AUTS2: variants seen among roughly 807,000 people sequenced by gnomAD.
AUTS2 encodes the protein autism susceptibility gene 2 protein.
AUTS2 carries 17 observed loss-of-function variants against 112.4 expected under a neutral mutation model. The ratio of observed to expected loss-of-function variants is 0.15; its 90% CI spans 0.10 to 0.23. The LOEUF (loss-of-function observed/expected upper bound fraction) is 0.23, where lower values mean the gene tolerates loss of function less well. Ranked by LOEUF, AUTS2 falls within the 10% of genes least tolerant of loss-of-function variation. AUTS2 has a pLI of 1.00. For synonymous variants in AUTS2, 751 were observed against 702.7 expected (o/e 1.07, Z -1.09); for missense variants, 1,510 against 1,701.6 (o/e 0.89, Z 1.98).
At chr7:70,427,651 T>C (rs1795490404) in intron 4 of AUTS2, among the ~76,000 whole-genome samples, 2 of 152,222 alleles carry the variant, frequency 1.3e-5, no homozygotes, top group Non-Finnish European at 2.9e-5. Flanking sequence ...CAACCTGATT[T>C]CTGTCAATAT....
At chr7:70,137,541 C>T (rs1248836386) in intron 4 of AUTS2, among the ~76,000 whole-genome samples, 1 of 151,458 alleles carries the variant, frequency 6.6e-6, no homozygotes, top group African/African-American at 2.4e-5. Context: ...GTATTTTCTC[C>T]TTAAACATGT....
At chr7:69,646,550 T>A (rs1369636602) in intron 1 of AUTS2, among the ~76,000 whole-genome samples, 2 of 152,356 alleles carry the variant, frequency 1.3e-5, no homozygotes, top group South Asian at 4.1e-4. Flanking sequence ...TCTTTGCAAA[T>A]ATGGTTATAC....
intron 2 of AUTS2, among the ~76,000 whole-genome samples, chr7:70,103,787 G>A (rs144998837): frequency 0.027 from 4,134 of 151,894 alleles, 79 homozygotes; most frequent in Middle Eastern, 0.11. Context: ...GCGTGCACCT[G>A]TAAGCCAAGC....
intron 3 of AUTS2, chr7:70,120,384 G>A (rs1249655455): frequency 2.0e-5 from 3 of 152,144 alleles, no homozygotes; most frequent in African/African-American, 2.4e-5. Context: ...TACTGTGTGT[G>A]TGTTTCTGTG....
At position 70,768,084 on chromosome 7, in the gene AUTS2, A is replaced by G. The variant is rs766856728; in HGVS notation, c.1734+16A>G. 3.8e-6 allele frequency: 6 copies of G among 1,594,562 alleles called. No individual in the cohort carries two copies. Among genetic ancestry groups the G allele is most frequent in the Non-Finnish European group, 4.3e-6 (5 of 1,172,772 alleles). On this transcript the variant is annotated intron_variant, in intron 10 of 18. Transcript: ENST00000342771. ...CCGGCACAGTGTGAGTTTCATTACC[A>G]TGCTACACATTGAATGTAACTGCTT...
At chr7:70,530,367 A>G (rs549691494) in intron 5 of AUTS2, among the ~76,000 whole-genome samples, 4 of 152,252 alleles carry the variant, frequency 2.6e-5, no homozygotes, top group South Asian at 2.1e-4. Flanking sequence ...TTACGGCAAC[A>G]TGGTACTGGT....
intron 6 of AUTS2, among the ~76,000 whole-genome samples, chr7:70,706,904 T>C (rs1382318290): frequency 6.6e-6 from 1 of 152,242 alleles, no homozygotes; most frequent in South Asian, 2.1e-4. Context: ...ATGGTTACCT[T>C]GAACATGGGC....
intron 2 of AUTS2, among the ~76,000 whole-genome samples, chr7:70,095,533 A>G (rs1242958473): frequency 1.3e-5 from 2 of 152,176 alleles, no homozygotes; most frequent in African/African-American, 4.8e-5. Flanking sequence ...ACATTCACTT[A>G]ACATATTTAT....
chr7:69,913,336 A>C (rs146945803), intron 2 of AUTS2, among the ~76,000 whole-genome samples: 1 of 152,210 alleles, frequency 6.6e-6, no homozygotes, highest in African/African-American at 2.4e-5. Flanking sequence ...ATTACTGGGA[A>C]TGAAAGGGGG....
At chr7:70,068,385 C>T (rs1296687651) in intron 2 of AUTS2, among the ~76,000 whole-genome samples, 3 of 151,772 alleles carry the variant, frequency 2.0e-5, no homozygotes, top group South Asian at 2.1e-4. Flanking sequence ...GGAGTTTAAC[C>T]GTGTTAGCCA....
At chr7:70,143,749 G>C (rs972764544) in intron 4 of AUTS2, among the ~76,000 whole-genome samples, 1 of 152,166 alleles carries the variant, frequency 6.6e-6, no homozygotes, top group Non-Finnish European at 1.5e-5. Context: ...GGTGATGACT[G>C]TCTATTAGGG....
chr7:70,428,260 G>A (rs1222182230), intron 4 of AUTS2, among the ~76,000 whole-genome samples: 1 of 152,124 alleles, frequency 6.6e-6, no homozygotes, highest in Non-Finnish European at 1.5e-5. Flanking sequence ...TGTGAAATTA[G>A]GGCTTTGTGG....
intron 6 of AUTS2, among the ~76,000 whole-genome samples, chr7:70,702,423 A>C (rs910151189): frequency 6.6e-6 from 1 of 152,252 alleles, no homozygotes; most frequent in African/African-American, 2.4e-5. Flanking sequence ...AAGACAACTC[A>C]TAGATAGACG....
At position 70,786,972 on chromosome 7, in the gene AUTS2, C is replaced by G. The variant is rs547267628; in HGVS notation, c.2309-237C>G. The G allele has an allele frequency of 3.7e-4, 226 of 604,418 alleles. 1 individual carries two copies. Among genetic ancestry groups the G allele is most frequent in the Non-Finnish European group, 5.0e-4 (173 of 343,138 alleles). The allele number at this position is 604,418 out of a possible 1,614,324, so 37.4% of individuals were successfully genotyped here. ...GGTCCCTTTTCCTTTTTAACTTCCC[C>G]TGTCCCCACCTTTGCTTTTGGTTTT... On this transcript the variant is annotated intron_variant, in intron 17 of 18. Transcript: ENST00000342771.
chr7:69,894,238 G>A (rs1387392114), intron 1 of AUTS2, among the ~76,000 whole-genome samples: 1 of 126,444 alleles, frequency 7.9e-6, no homozygotes, highest in Non-Finnish European at 1.6e-5. Context: ...ACTGTCAAAT[G>A]AATGCCTTAA....
chr7:70,036,905 G>A (rs1315120502), intron 2 of AUTS2, among the ~76,000 whole-genome samples: 1 of 152,152 alleles, frequency 6.6e-6, no homozygotes, highest in East Asian at 1.9e-4. Flanking sequence ...GATGCAAAAG[G>A]CAACAGGTTC....
Position 70,785,153 on chromosome 7 carries a change from G to A in AUTS2, c.2224+134G>A, listed in dbSNP as rs1481939445. The A allele has an allele frequency of 7.2e-6, 6 of 839,024 alleles. No individual in the cohort carries two copies. In the East Asian group the frequency reaches 1.6e-4, roughly 22 times the overall value. 52.0% of individuals were successfully genotyped at this position (839,024 alleles called of 1,614,324 possible). ...CCTGCTTACCATTTAGGCAGGAGAT[G>A]GTGCTCTCTTAGGAGTTTCAGTACA... On this transcript the variant is annotated intron_variant, in intron 16 of 18. Transcript: ENST00000342771.
At chr7:70,582,109 G>A (rs919792378) in intron 5 of AUTS2, among the ~76,000 whole-genome samples, 2 of 151,318 alleles carry the variant, frequency 1.3e-5, no homozygotes, top group African/African-American at 4.9e-5. Flanking sequence ...GGTAGTAGAG[G>A]TAATGAGTTG....
At chr7:70,491,492 AC>A (rs1417250331) in intron 5 of AUTS2, among the ~76,000 whole-genome samples, 2 of 148,198 alleles carry the variant, frequency 1.3e-5, no homozygotes, top group Non-Finnish European at 3.0e-5. Context: ...TGTTATATAT[AC>A]ACATAATATA....
Sources: allele counts gnomAD v4.1 joint callset (sites outside exome capture counted in the v4.1 genomes callset), GRCh38; gene constraint gnomAD v4.1.1; transcripts MANE v1.5; gene names NCBI Gene and HGNC (gene_info 2026-07-23, HGNC 2026-07-21).